The following CDK14 variants were observed in gnomAD, a reference collection of about 807,000 sequenced individuals.
CDK14 encodes the protein cyclin-dependent kinase 14.
A neutral mutation model predicts 60.7 loss-of-function variants in CDK14; 34 were observed. That is an observed-to-expected ratio of 0.56 (90% CI 0.43 to 0.75). CDK14 has a LOEUF of 0.75. CDK14 is among the 30% of genes least tolerant of loss of function. The probability of loss-of-function intolerance (pLI) is 0.00; values close to 1 mark genes in which losing one functional copy is unlikely to be tolerated. For missense variants in CDK14, 482 were observed against 564.1 expected (o/e 0.85, Z 1.47); for synonymous variants, 197 against 203.7 (o/e 0.97, Z 0.28).
intron 2 of CDK14, among the ~76,000 whole-genome samples, chr7:90,649,337 CTTCCTTCCTTCCTTCCTTCCTTCCTTCCT>C (rs1563029876): frequency 5.8e-4 from 26 of 44,914 alleles, no homozygotes; most frequent in African/African-American, 2.5e-3. Context: ...TCCTTCCTTC[CTTCCTTCCTTCCTTCCTTCCTTCCTTCCT>C]TTCCTTCCTT....
intron 8 of CDK14, among the ~76,000 whole-genome samples, chr7:90,947,818 TAAC>T (rs1794144168): frequency 6.6e-6 from 1 of 152,172 alleles, no homozygotes; most frequent in East Asian, 1.9e-4. Context: ...ATTAACACAC[TAAC>T]AAGAGCATAT....
intron 6 of CDK14, among the ~76,000 whole-genome samples, chr7:90,894,283 G>A (rs1405173237): frequency 6.6e-6 from 1 of 152,052 alleles, no homozygotes; most frequent in Non-Finnish European, 1.5e-5. Context: ...TCAAAGTTAT[G>A]TAATGCTGAT....
intron 12 of CDK14, among the ~76,000 whole-genome samples, chr7:91,108,090 T>C (rs1385494480): frequency 1.3e-5 from 2 of 152,140 alleles, no homozygotes; most frequent in Non-Finnish European, 2.9e-5. Flanking sequence ...GGCGGATCAC[T>C]TGAGGTCAGG....
intron 3 of CDK14, 88 bp downstream of exon 3, chr7:90,726,900 C>CTT: frequency 6.8e-7 from 1 of 1,469,378 alleles, no homozygotes. Flanking sequence ...CAGCAGGAAA[C>CTT]TTTATCAGTG....
intron 4 of CDK14, among the ~76,000 whole-genome samples, chr7:90,778,145 T>A (rs972796398): frequency 6.6e-6 from 1 of 152,230 alleles, no homozygotes; most frequent in African/African-American, 2.4e-5. Context: ...TACCAATGCT[T>A]CCTTTATGTC....
At chr7:90,733,718 G>T (rs189417896) in intron 3 of CDK14, among the ~76,000 whole-genome samples, 64 of 152,194 alleles carry the variant, frequency 4.2e-4, no homozygotes, top group South Asian at 6.2e-4. Context: ...ACATGAGATG[G>T]GTCTCCTTAA....
At chr7:91,077,679 T>G (rs1485101030) in intron 11 of CDK14, among the ~76,000 whole-genome samples, 1 of 151,368 alleles carries the variant, frequency 6.6e-6, no homozygotes, top group Non-Finnish European at 1.5e-5. Context: ...AAATAATAAT[T>G]TATTTTACTA....
intron 6 of CDK14, among the ~76,000 whole-genome samples, chr7:90,886,131 C>T (rs1251777159): frequency 1.3e-5 from 2 of 152,086 alleles, no homozygotes; most frequent in African/African-American, 4.8e-5. Flanking sequence ...TTGAATCTGG[C>T]TTTTTAATAT....
At chr7:90,698,854 G>A (rs1174524208) in intron 2 of CDK14, among the ~76,000 whole-genome samples, 1 of 152,102 alleles carries the variant, frequency 6.6e-6, no homozygotes. Flanking sequence ...ACTTCATTAT[G>A]TAACCATGGG....
At chr7:91,023,641 G>T (rs929431786) in intron 10 of CDK14, among the ~76,000 whole-genome samples, 2 of 152,056 alleles carry the variant, frequency 1.3e-5, no homozygotes, top group Admixed American at 6.5e-5. Flanking sequence ...TGTCATTAGG[G>T]GACAAAGTAC....
intron 6 of CDK14, among the ~76,000 whole-genome samples, chr7:90,876,316 T>C (rs1027036377): frequency 2.6e-5 from 4 of 152,228 alleles, no homozygotes; most frequent in Non-Finnish European, 4.4e-5. Flanking sequence ...TCCCCCATTT[T>C]AGGATGGTGT....
At chr7:90,760,117 C>T (rs532399499) in intron 4 of CDK14, among the ~76,000 whole-genome samples, 2 of 152,166 alleles carry the variant, frequency 1.3e-5, no homozygotes, top group Admixed American at 6.5e-5. Flanking sequence ...TTGAATTAAA[C>T]GACCTTATAA....
At chr7:90,935,189 T>A (rs954078240) in intron 8 of CDK14, among the ~76,000 whole-genome samples, 1 of 152,102 alleles carries the variant, frequency 6.6e-6, no homozygotes. Context: ...ATGAACCAAC[T>A]CCTGCCATAA....
chr7:90,955,887 A>G (rs1479914778), intron 9 of CDK14, 70 bp downstream of exon 9: 1 of 1,556,512 alleles, frequency 6.4e-7, no homozygotes, highest in Non-Finnish European at 8.8e-7. Flanking sequence ...CTAGACAAAC[A>G]TCCTAACAGT....
intron 4 of CDK14, among the ~76,000 whole-genome samples, chr7:90,776,610 A>G (rs1295616203): frequency 6.6e-5 from 10 of 152,188 alleles, no homozygotes; most frequent in South Asian, 6.2e-4. Flanking sequence ...TCACCTCCTG[A>G]TATCATTGTT....
At chr7:91,122,470 C>T (rs1034474780) in intron 14 of CDK14, among the ~76,000 whole-genome samples, 3 of 152,132 alleles carry the variant, frequency 2.0e-5, no homozygotes, top group Admixed American at 6.5e-5. Flanking sequence ...ACTGTCTGAA[C>T]GTTAGTAGAA....
At chr7:90,941,860 G>A (rs1049500587) in intron 8 of CDK14, among the ~76,000 whole-genome samples, 2 of 152,116 alleles carry the variant, frequency 1.3e-5, no homozygotes, top group African/African-American at 2.4e-5. Flanking sequence ...CACCATACAA[G>A]TGCCTGTAAT....
intron 4 of CDK14, among the ~76,000 whole-genome samples, chr7:90,763,183 T>A (rs527981050): frequency 1.3e-5 from 2 of 152,086 alleles, no homozygotes; most frequent in Non-Finnish European, 2.9e-5. Flanking sequence ...AACTGAAAGG[T>A]GAAATGGACA....
intron 2 of CDK14, among the ~76,000 whole-genome samples, chr7:90,675,293 A>G (rs763889275): frequency 3.9e-5 from 6 of 152,130 alleles, no homozygotes; most frequent in Non-Finnish European, 8.8e-5. Context: ...TAGCAATATT[A>G]TAACACTTTC....
Sources: allele counts gnomAD v4.1 joint callset (sites outside exome capture counted in the v4.1 genomes callset), GRCh38; gene constraint gnomAD v4.1.1; transcripts MANE v1.5; gene names NCBI Gene and HGNC (gene_info 2026-07-23, HGNC 2026-07-21).